The following MARCHF8 variants were observed in gnomAD, a reference collection of about 807,000 sequenced individuals.
MARCHF8 encodes E3 ubiquitin-protein ligase MARCHF8.
Under a neutral mutation model 51.6 loss-of-function variants are expected in MARCHF8, and 40 were observed. The ratio of observed to expected loss-of-function variants is 0.77; its 90% CI spans 0.60 to 1.01. MARCHF8 has a LOEUF of 1.01. Ranked by LOEUF, MARCHF8 falls within the 50% of genes least tolerant of loss-of-function variation. The probability of loss-of-function intolerance (pLI) is 0.00; values close to 1 mark genes in which losing one functional copy is unlikely to be tolerated. For missense variants in MARCHF8, 685 were observed against 708.6 expected (o/e 0.97, Z 0.38); for synonymous variants, 263 against 280.3 (o/e 0.94, Z 0.62).
chr10:45,464,711 A>G (rs1348639954), intron 3 of MARCHF8, among the ~76,000 whole-genome samples: 1 of 152,162 alleles, frequency 6.6e-6, no homozygotes, highest in Non-Finnish European at 1.5e-5. Flanking sequence ...CTTCCCTAGC[A>G]CTCTCTCCTA....
intron 2 of MARCHF8, among the ~76,000 whole-genome samples, chr10:45,496,193 G>A (rs1470037781): frequency 6.6e-6 from 1 of 152,086 alleles, no homozygotes; most frequent in Non-Finnish European, 1.5e-5. Flanking sequence ...TGAGTTGAAA[G>A]CATGTACTGC....
intron 3 of MARCHF8, among the ~76,000 whole-genome samples, chr10:45,466,458 C>G (rs1381601328): frequency 6.6e-6 from 1 of 152,048 alleles, no homozygotes; most frequent in Admixed American, 6.6e-5. Flanking sequence ...GAAGAAATAC[C>G]CAGCAATATC....
chr10:45,459,242 C>T lies in MARCHF8; in HGVS notation c.1295G>A (p.Ser432Asn). Residue 432 changes from serine to asparagine, a missense_variant, in exon 7 of 8, where the codon AGC becomes AAC. By Grantham distance (46) the Ser-to-Asn change is conservative. Transcript: ENST00000453424. ...TGAGCACATGATCTTCCTGCGCTCG[C>T]TGGACGTCATCTGCAACTTCTCCCA... Reference protein sequence around the residue: ...RKWEKLQMTSSERRKIMCSVT... With the variant: ...RKWEKLQMTSNERRKIMCSVT... The T allele has an allele frequency of 6.2e-7, 1 of 1,613,954 alleles. No homozygotes were observed. The highest frequency in any genetic ancestry group is 1.1e-5 in the South Asian group (1 of 91,060).
At chr10:45,522,742 TG>T (rs1285902193) in intron 2 of MARCHF8, among the ~76,000 whole-genome samples, 1 of 152,144 alleles carries the variant, frequency 6.6e-6, no homozygotes, top group Non-Finnish European at 1.5e-5. Flanking sequence ...TTCTGAAATG[TG>T]GTAAATTGAG....
intron 2 of MARCHF8, among the ~76,000 whole-genome samples, chr10:45,491,100 T>C (rs1160402813): frequency 6.6e-6 from 1 of 152,192 alleles, no homozygotes; most frequent in African/African-American, 2.4e-5. Context: ...GGTCTTGCTA[T>C]GCTGCCCAGG....
At chr10:45,473,612 GCTCC>G (rs67123723) in intron 3 of MARCHF8, among the ~76,000 whole-genome samples, 9,412 of 152,170 alleles carry the variant, frequency 0.062, 322 homozygotes, top group Non-Finnish European at 0.067. Flanking sequence ...ATCAAGAGAG[GCTCC>G]AAAAAGTCCA....
chr10:45,579,837 A>G (rs1457256189), intron 1 of MARCHF8, among the ~76,000 whole-genome samples: 1 of 151,970 alleles, frequency 6.6e-6, no homozygotes, highest in African/African-American at 2.4e-5. Context: ...AACATGGTGA[A>G]ACCCTGTCTC....
intron 2 of MARCHF8, among the ~76,000 whole-genome samples, chr10:45,500,707 A>G: frequency 6.6e-6 from 1 of 152,138 alleles, no homozygotes; most frequent in East Asian, 1.9e-4. Flanking sequence ...AGGCATATAT[A>G]TCAGAATGAA....
intron 6 of MARCHF8, chr10:45,459,600 C>A (rs1483100861): frequency 1.9e-6 from 1 of 539,856 alleles, no homozygotes; most frequent in Non-Finnish European, 2.4e-6. Flanking sequence ...TATGTTGGCC[C>A]AGGACCCAGG....
chr10:45,553,833 GCACA>G (rs10597890), intron 1 of MARCHF8, among the ~76,000 whole-genome samples: 4 of 150,814 alleles, frequency 2.7e-5, no homozygotes, highest in Non-Finnish European at 4.4e-5. Flanking sequence ...GCATGGACAT[GCACA>G]CACACACACA....
intron 2 of MARCHF8, among the ~76,000 whole-genome samples, chr10:45,508,298 C>T (rs1269966375): frequency 2.0e-5 from 3 of 146,890 alleles, no homozygotes; most frequent in East Asian, 2.0e-4. Context: ...TATAAGAGGG[C>T]CCATGAAAGA....
At chr10:45,563,910 T>G (rs1250477358) in intron 1 of MARCHF8, among the ~76,000 whole-genome samples, 1 of 152,200 alleles carries the variant, frequency 6.6e-6, no homozygotes, top group Non-Finnish European at 1.5e-5. Flanking sequence ...TTTCAGCTAT[T>G]ACCCACCAAA....
intron 4 of MARCHF8, 77 bp downstream of exon 4, chr10:45,464,162 A>C: frequency 6.3e-7 from 1 of 1,576,914 alleles, no homozygotes; most frequent in South Asian, 1.1e-5. Flanking sequence ...AGCAAATGGA[A>C]ATTCAAGAAC....
At chr10:45,458,617 C>T in intron 7 of MARCHF8, 74 bp from the exon 8 acceptor site, 1 of 1,390,838 alleles carries the variant, frequency 7.2e-7, no homozygotes. Flanking sequence ...TTCTGAACTT[C>T]CCATAATCAA....
chr10:45,541,625 A>ATG (rs1403352567), intron 1 of MARCHF8, among the ~76,000 whole-genome samples: 3 of 152,174 alleles, frequency 2.0e-5, no homozygotes, highest in Non-Finnish European at 4.4e-5. Context: ...ACTAACAACA[A>ATG]CAAAAACTAT....
chr10:45,469,010 C>G (rs1383430242), intron 3 of MARCHF8, among the ~76,000 whole-genome samples: 1 of 152,068 alleles, frequency 6.6e-6, no homozygotes, highest in Non-Finnish European at 1.5e-5. Flanking sequence ...GTACACTGCA[C>G]TAGTTTGTGA....
chr10:45,503,770 C>T (rs991130291), intron 2 of MARCHF8, among the ~76,000 whole-genome samples: 1 of 151,612 alleles, frequency 6.6e-6, no homozygotes, highest in Admixed American at 6.6e-5. Flanking sequence ...ATTATCCATA[C>T]AATGGAATAT....
chr10:45,575,137 A>G (rs2044474848), intron 1 of MARCHF8, among the ~76,000 whole-genome samples: 1 of 152,222 alleles, frequency 6.6e-6, no homozygotes, highest in Non-Finnish European at 1.5e-5. Flanking sequence ...TTATGCTGAT[A>G]AGGTAGCTAA....
At chr10:45,577,269 CA>C (rs529792741) in intron 1 of MARCHF8, among the ~76,000 whole-genome samples, 16,971 of 142,148 alleles carry the variant, frequency 0.12, 1,350 homozygotes, top group Non-Finnish European at 0.18. Flanking sequence ...TTAATGGGCA[CA>C]AAAAAAAAAT....
Sources: allele counts gnomAD v4.1 joint callset (sites outside exome capture counted in the v4.1 genomes callset), GRCh38; gene constraint gnomAD v4.1.1; transcripts MANE v1.5; gene names NCBI Gene and HGNC (gene_info 2026-07-23, HGNC 2026-07-21).